Variants in IQCH observed in about 807,000 individuals in gnomAD.
The protein encoded by IQCH is IQ motif containing H.
In IQCH, 98 loss-of-function variants were observed where a neutral mutation model predicts 117.0. The ratio of observed to expected loss-of-function variants is 0.84; its 90% CI spans 0.71 to 0.99. IQCH has a LOEUF of 0.99. Among genes scored for constraint, IQCH ranks in the 50% least tolerant of loss-of-function variants. IQCH has a pLI of 0.00. For missense variants in IQCH, 1,102 were observed against 1,243.8 expected, an observed-to-expected ratio of 0.89 and a Z score of 1.72; for synonymous variants, 412 against 448.2, an observed-to-expected ratio of 0.92 and a Z score of 1.02.
At chr15:67,495,884 G>C (rs116259200) in intron 20 of IQCH, among the ~76,000 whole-genome samples, 34 of 152,262 alleles carry the variant, frequency 2.2e-4, no homozygotes, top group African/African-American at 8.2e-4. Flanking sequence ...AGTAATATAG[G>C]TACAATAACA....
rs1223353857 is a variant in IQCH, at chr15:67,390,843, T to C, written c.1632+1837T>C. Among the ~76,000 whole-genome samples the C allele has an allele frequency of 1.3e-5, 2 of 152,194 alleles. No homozygotes were observed. Among genetic ancestry groups the C allele is most frequent in the African/African-American group, 4.8e-5 (2 of 41,454 alleles). On this transcript the variant is annotated intron_variant, in intron 12 of 20. Coordinates refer to ENST00000335894, the MANE Select transcript of IQCH (RefSeq NM_001031715.3). The surrounding 1 kb of genome is among the most constrained non-coding windows in gnomAD (Gnocchi z 5.0). ...CATCAAGATGGAAAGATAGCTCTTTTTACCTATCTCCGTTTATGGCTGAGG... is the reference window on the plus strand; with the variant it reads ...CATCAAGATGGAAAGATAGCTCTTTCTACCTATCTCCGTTTATGGCTGAGG...
rs59177913 is a variant in IQCH, at chr15:67,405,390, GTCATCA to G, written c.2097+5119_2097+5124del. ...TGTTGACATTTCCTTGTATTTCTTTGTCATCATCATCATCATCATCATCATCATCAT... is the reference window on the plus strand; with the variant it reads ...TGTTGACATTTCCTTGTATTTCTTTGTCATCATCATCATCATCATCATCAT... On this transcript the variant is annotated intron_variant, in intron 14 of 20. Coordinates refer to ENST00000335894, the MANE Select transcript of IQCH (RefSeq NM_001031715.3). This position sits in a 1 kb window ranked among gnomAD's most constrained non-coding sequence, Gnocchi z 4.8. The G allele has an allele frequency of 0.35, 54,042 of 154,154 alleles. 10,536 individuals carry two copies. The highest frequency in any genetic ancestry group is 0.44 in the Non-Finnish European group (30,824 of 70,352). 9.5% of individuals were successfully genotyped at this position (154,154 alleles called of 1,614,324 possible).
At position 67,465,424 on chromosome 15, in the gene IQCH, A is replaced by G. The variant is rs936768515; in HGVS notation, c.2676+127A>G. 17 of 1,005,376 alleles carry G rather than the reference A, an allele frequency of 1.7e-5. No individual in the cohort carries two copies. The highest frequency in any genetic ancestry group is 2.5e-5 in the Non-Finnish European group (17 of 691,862). The allele number at this position is 1,005,376 out of a possible 1,614,324, so 62.3% of individuals were successfully genotyped here. A position where few individuals can be genotyped will look rare whatever the true frequency, so the allele number is the denominator to read the frequency against. On this transcript the variant is annotated intron_variant, in intron 17 of 20. Transcript: ENST00000335894. This position sits in a 1 kb window ranked among gnomAD's most constrained non-coding sequence, Gnocchi z 5.9. ...GAAAGAGCCTAAGGCAAGTCATTGG[A>G]CTTGTCTGAGCAGGGTCTGGAAATG...
chr15:67,321,155 GT>G (rs975306560), intron 4 of IQCH, among the ~76,000 whole-genome samples: 36 of 152,094 alleles, frequency 2.4e-4, no homozygotes, highest in African/African-American at 8.7e-4. Context: ...ACTGTTTTTT[GT>G]GGGGGATTGG....
intron 4 of IQCH, among the ~76,000 whole-genome samples, chr15:67,284,619 C>T (rs1383503050): frequency 2.0e-5 from 3 of 152,246 alleles, no homozygotes; most frequent in South Asian, 4.1e-4. Context: ...CTTCCACCCT[C>T]CTCCCTCCAA....
intron 4 of IQCH, chr15:67,281,841 C>A (rs1276670630): frequency 2.2e-6 from 1 of 446,150 alleles, no homozygotes; most frequent in African/African-American, 2.0e-5. Context: ...AATGGATAAA[C>A]AAAACCACCA....
At chr15:67,471,591 T>C (rs929623073) in intron 17 of IQCH, among the ~76,000 whole-genome samples, 3 of 152,252 alleles carry the variant, frequency 2.0e-5, no homozygotes, top group African/African-American at 7.2e-5. Context: ...AGTCACCTTC[T>C]GATGAAAAGG....
intron 3 of IQCH, among the ~76,000 whole-genome samples, chr15:67,273,062 A>AT (rs1292533325): frequency 6.6e-6 from 1 of 151,570 alleles, no homozygotes; most frequent in Non-Finnish European, 1.5e-5. Flanking sequence ...TTTTTTATTT[A>AT]TTTTTAATTA....
intron 4 of IQCH, among the ~76,000 whole-genome samples, chr15:67,289,806 A>G (rs769255046): frequency 2.0e-5 from 3 of 152,136 alleles, no homozygotes; most frequent in Non-Finnish European, 2.9e-5. Context: ...AATGATGAGT[A>G]ATGTAGTTGA....
chr15:67,320,641 C>T (rs1378381391), intron 4 of IQCH, among the ~76,000 whole-genome samples: 1 of 152,122 alleles, frequency 6.6e-6, no homozygotes, highest in Non-Finnish European at 1.5e-5. Flanking sequence ...CAAGCTCCTT[C>T]GAAGAAAAGT....
intron 3 of IQCH, 55 bp downstream of exon 3, chr15:67,263,271 TCTCA>T (rs1965533900): frequency 2.2e-6 from 2 of 908,304 alleles, no homozygotes; most frequent in Admixed American, 2.1e-5. Flanking sequence ...AAATAACTTT[TCTCA>T]CTCAAGTGAG....
intron 4 of IQCH, among the ~76,000 whole-genome samples, chr15:67,295,249 C>G (rs919094963): frequency 9.9e-5 from 15 of 152,276 alleles, no homozygotes; most frequent in Middle Eastern, 3.4e-3. Context: ...GTATTCCTCT[C>G]CCTCTTTCTT....
At chr15:67,304,721 C>T (rs1275056893) in intron 4 of IQCH, among the ~76,000 whole-genome samples, 2 of 151,700 alleles carry the variant, frequency 1.3e-5, no homozygotes, top group Admixed American at 6.6e-5. Context: ...ATAATTTTAA[C>T]GAGGAAATAA....
intron 6 of IQCH, among the ~76,000 whole-genome samples, chr15:67,345,883 A>C (rs1969364940): frequency 6.6e-6 from 1 of 152,238 alleles, no homozygotes; most frequent in Admixed American, 6.5e-5. Context: ...TGGTAATGGA[A>C]TATGTTAACA....
chr15:67,297,239 C>T (rs1213564109), intron 4 of IQCH, among the ~76,000 whole-genome samples: 1 of 152,120 alleles, frequency 6.6e-6, no homozygotes, highest in African/African-American at 2.4e-5. Context: ...ATTTTAATTA[C>T]CTCTTAATTT....
intron 18 of IQCH, among the ~76,000 whole-genome samples, chr15:67,483,898 G>A (rs2083403792): frequency 6.6e-6 from 1 of 152,184 alleles, no homozygotes; most frequent in Non-Finnish European, 1.5e-5. Flanking sequence ...GTAGCTGGGA[G>A]GCTAAAGATC....
intron 20 of IQCH, among the ~76,000 whole-genome samples, chr15:67,498,203 AAT>A: frequency 6.6e-6 from 1 of 152,232 alleles, no homozygotes; most frequent in Non-Finnish European, 1.5e-5. Flanking sequence ...ACCCATACAT[AAT>A]GGCCAATAAT....
intron 3 of IQCH, among the ~76,000 whole-genome samples, chr15:67,278,199 G>GGAACGAAGAACA (rs952102646): frequency 2.0e-5 from 3 of 152,130 alleles, no homozygotes; most frequent in African/African-American, 7.2e-5. Flanking sequence ...TACAGAGAAC[G>GGAACGAAGAACA]GAACGAAGAA....
chr15:67,389,146 G>T, intron 12 of IQCH, 140 bp downstream of exon 12: 1 of 653,524 alleles, frequency 1.5e-6, no homozygotes, highest in Non-Finnish European at 2.6e-6. Flanking sequence ...ACTACTAGTT[G>T]GTCTGTAGGA....
Sources: allele counts gnomAD v4.1 joint callset (sites outside exome capture counted in the v4.1 genomes callset), GRCh38; gene constraint gnomAD v4.1.1; non-coding constraint Gnocchi (gnomAD v3.1); transcripts MANE v1.5; gene names NCBI Gene and HGNC (gene_info 2026-07-23, HGNC 2026-07-21).